Variants in RPS21 observed in about 807,000 individuals in gnomAD.
RPS21 encodes small ribosomal subunit protein eS21.
In RPS21, 6 loss-of-function variants were observed where a neutral mutation model predicts 14.5. The ratio of observed to expected loss-of-function variants is 0.41; its 90% CI spans 0.23 to 0.82. RPS21 has a LOEUF of 0.82. Ranked by LOEUF, RPS21 falls within the 40% of genes least tolerant of loss-of-function variation. RPS21 has a pLI of 0.31. For missense variants in RPS21, 85 were observed against 115.0 expected, an observed-to-expected ratio of 0.74 and a Z score of 1.19; for synonymous variants, 61 against 42.6, an observed-to-expected ratio of 1.43 and a Z score of -1.69.
chr20:62,387,450 C>A, intron 2 of RPS21, 62 bp downstream of exon 2: 1 of 1,598,472 alleles, frequency 6.3e-7, no homozygotes, highest in South Asian at 1.1e-5. Context: ...CCTCGCCTGC[C>A]CTTGTTCCCC....
intron 4 of RPS21, 179 bp from the exon 5 acceptor site, chr20:62,388,130 C>CA: frequency 6.7e-7 from 1 of 1,500,066 alleles, no homozygotes; most frequent in Admixed American, 2.1e-5. Flanking sequence ...AGGTGCCCCC[C>CA]CGACCCCGCT....
At position 62,387,835 on chromosome 20, in the gene RPS21, C is replaced by T. The variant is rs774151254; in HGVS notation, c.115-8C>T. ...GGGAGTGGTTTGTGACCCTTCTTCT[C>T]TTTCTAGGTTGACAAGGTCACAGGC... is the stretch of plus-strand genomic sequence containing the variant. On this transcript the variant is annotated splice_region_variant and splice_polypyrimidine_tract_variant and intron_variant, in intron 3 of 5. Transcript: ENST00000343986. The T allele has an allele frequency of 1.4e-5, 22 of 1,614,130 alleles. No individual in the cohort carries two copies. Among genetic ancestry groups the T allele is most frequent in the Non-Finnish European group, 1.8e-5 (21 of 1,180,024 alleles).
chr20:62,388,253 C>T, intron 4 of RPS21, 56 bp from the exon 5 acceptor site: 3 of 1,551,168 alleles, frequency 1.9e-6, no homozygotes, highest in Non-Finnish European at 2.6e-6. Flanking sequence ...GACCTTCTGC[C>T]ATCTCAGGCA....
At chr20:62,387,201 G>GCGGGGGA in intron 1 of RPS21, 65 bp downstream of exon 1, 1 of 684,952 alleles carries the variant, frequency 1.5e-6, no homozygotes, top group Non-Finnish European at 2.3e-6. Context: ...GGGCTTGGAC[G>GCGGGGGA]CGGGGGACGG....
rs964029403 is a variant in RPS21 at position 62,388,131 on chromosome 20, C to T, written c.187-178C>T. On this transcript the variant is annotated intron_variant, in intron 4 of 5. Transcript: ENST00000343986. Reference sequence around the variant, plus strand: ...TGCCTCTCACTAGGAGGTGCCCCCCCGACCCCGCTCCACCATAGTCAGGCT... The same window carrying T: ...TGCCTCTCACTAGGAGGTGCCCCCCTGACCCCGCTCCACCATAGTCAGGCT... The T allele has an allele frequency of 1.0e-5, 15 of 1,494,288 alleles. 1 individual carries two copies. Among genetic ancestry groups the T allele is most frequent in the South Asian group, 8.9e-5 (7 of 78,948 alleles). 92.6% of individuals were successfully genotyped at this position (1,494,288 alleles called of 1,614,324 possible).
At chr20:62,387,470 C>T (rs952450921) in intron 2 of RPS21, 82 bp downstream of exon 2, 3 of 1,590,088 alleles carry the variant, frequency 1.9e-6, no homozygotes, top group Admixed American at 3.3e-5. Context: ...CCACACCCCT[C>T]CCGTCCTTAC....
In RPS21 at chr20:62,387,401, C is replaced by A. The variant is rs377326512; in HGVS notation, c.50+13C>A. 6 of 1,608,154 alleles carry A rather than the reference C, an allele frequency of 3.7e-6. No individual in the cohort carries two copies. The highest frequency in any genetic ancestry group is 3.4e-5 in the Admixed American group (2 of 59,220). ...TGCCGCGGAAATGGTAAGCGCCCCC[C>A]ACATGCCTCTCTTCCGTCCTTACCT... is the stretch of plus-strand genomic sequence containing the variant. On this transcript the variant is annotated intron_variant, in intron 2 of 5. Transcript: ENST00000343986.
chr20:62,387,930 G>A lies in RPS21; in HGVS notation c.186+16G>A. 6.2e-7 allele frequency: 1 copy of A among 1,614,216 alleles called. No homozygotes were observed. The highest frequency in any genetic ancestry group is 8.5e-7 in the Non-Finnish European group (1 of 1,180,040). ...TCGTAGGATGGTGAGTGTTTCCCTGGGCTTTGCTCATCACTTCGGGACATC... is the reference window on the plus strand; with the variant it reads ...TCGTAGGATGGTGAGTGTTTCCCTGAGCTTTGCTCATCACTTCGGGACATC... On this transcript the variant is annotated intron_variant, in intron 4 of 5. Transcript: ENST00000343986.
intron 2 of RPS21, 43 bp from the exon 3 acceptor site, chr20:62,387,568 T>C (rs755726): frequency 0.38 from 607,952 of 1,594,534 alleles, 119,461 homozygotes; most frequent in African/African-American, 0.55. Context: ...CTTTCATTCT[T>C]ACCGCCCAAG....
chr20:62,387,522 T>C, intron 2 of RPS21, 89 bp from the exon 3 acceptor site: 1 of 1,587,930 alleles, frequency 6.3e-7, no homozygotes, highest in Non-Finnish European at 8.6e-7. Context: ...ACGTTACTCT[T>C]TTCCATTCAT....
chr20:62,387,245 C>T (rs1987762144), intron 1 of RPS21, 76 bp from the exon 2 acceptor site: 1 of 1,134,044 alleles, frequency 8.8e-7, no homozygotes, highest in African/African-American at 1.5e-5. Context: ...GGGGCCGTGA[C>T]CCTAGGGGCC....
rs192374410 is a variant in RPS21 at position 62,387,132 on chromosome 20, A to G, written c.-23A>G. On this transcript the variant is annotated 5_prime_UTR_variant, in exon 1 of 6. Transcript: ENST00000343986. Reference sequence around the variant, plus strand: ...TCTCTCTCGCGCGCGGTGTGGTGGCAGCAGGTGTGGCGCGCGGCGCGGGCT... The same window carrying G: ...TCTCTCTCGCGCGCGGTGTGGTGGCGGCAGGTGTGGCGCGCGGCGCGGGCT... 75 of 486,688 alleles carry G rather than the reference A, an allele frequency of 1.5e-4. 1 individual carries two copies. The highest frequency in any genetic ancestry group is 9.5e-4 in the African/African-American group (46 of 48,628). 30.1% of individuals were successfully genotyped at this position (486,688 alleles called of 1,614,324 possible).
rs1038026809 is a variant in RPS21 at position 62,387,404 on chromosome 20, A to C, written c.50+16A>C. 2.5e-6 allele frequency: 4 copies of C among 1,607,698 alleles called. No individual in the cohort carries two copies. In the East Asian group the frequency reaches 6.7e-5, roughly 27 times the overall value. ...CGCGGAAATGGTAAGCGCCCCCCAC[A>C]TGCCTCTCTTCCGTCCTTACCTAAC... On this transcript the variant is annotated intron_variant, in intron 2 of 5. Transcript: ENST00000343986.
At chr20:62,388,134 C>G (rs1987812054) in intron 4 of RPS21, 175 bp from the exon 5 acceptor site, 1 of 1,407,294 alleles carries the variant, frequency 7.1e-7, no homozygotes, top group African/African-American at 1.5e-5. Context: ...GCCCCCCCGA[C>G]CCCGCTCCAC....
intron 5 of RPS21, 35 bp downstream of exon 5, chr20:62,388,399 T>C: frequency 6.2e-7 from 1 of 1,609,824 alleles, no homozygotes; most frequent in South Asian, 1.1e-5. Context: ...GCAGAGTGAG[T>C]GGACTAGGAC....
chr20:62,387,747 G>C, intron 3 of RPS21, 73 bp downstream of exon 3: 1 of 1,614,082 alleles, frequency 6.2e-7, no homozygotes, highest in Non-Finnish European at 8.5e-7. Flanking sequence ...CATTGTGGAG[G>C]AGCCCCTGGG....
intron 2 of RPS21, 101 bp from the exon 3 acceptor site, chr20:62,387,510 C>A (rs1163570836): frequency 6.3e-7 from 1 of 1,585,362 alleles, no homozygotes; most frequent in Non-Finnish European, 8.6e-7. Context: ...GTCCTGCCCC[C>A]GACGTTACTC....
Position 62,387,354 on chromosome 20 carries a change from G to A in RPS21, c.16G>A (p.Gly6Ser), listed in dbSNP as rs866187627. 1.2e-6 allele frequency: 2 copies of A among 1,605,890 alleles called. No individual in the cohort carries two copies. Among genetic ancestry groups the A allele is most frequent in the Non-Finnish European group, 1.7e-6 (2 of 1,176,676 alleles). Residue 6 changes from glycine to serine, a missense_variant, in exon 2 of 6, where the codon GGC (glycine) becomes AGC (serine). Coordinates refer to ENST00000343986, the MANE Select transcript of RPS21 (RefSeq NM_001024.4). Reference protein sequence around the residue: MQNDAGEFVDLYVPRK... With the variant: MQNDASEFVDLYVPRK... ...CAGCCTCGAAATGCAGAACGACGCC[G>A]GCGAGTTCGTGGACCTGTACGTGCC...
intron 2 of RPS21, 60 bp downstream of exon 2, chr20:62,387,448 G>A (rs1466317676): frequency 1.2e-5 from 19 of 1,600,304 alleles, no homozygotes; most frequent in Non-Finnish European, 1.5e-5. Context: ...CCCCTCGCCT[G>A]CCCTTGTTCC....
Sources: allele counts gnomAD v4.1 joint callset, GRCh38; gene constraint gnomAD v4.1.1; transcripts MANE v1.5; gene names NCBI Gene and HGNC (gene_info 2026-07-23, HGNC 2026-07-21).